Variants in GAS2 observed in about 807,000 individuals in gnomAD.
GAS2 encodes growth arrest specific 2.
A neutral mutation model predicts 37.5 loss-of-function variants in GAS2; 20 were observed. That is an observed-to-expected ratio of 0.53 (90% CI 0.37 to 0.77). GAS2 has a LOEUF of 0.77. Ranked by LOEUF, GAS2 falls within the 30% of genes least tolerant of loss-of-function variation. The pLI is 0.00. For synonymous variants in GAS2, 144 were observed against 132.2 expected (o/e 1.09, Z -0.61); for missense variants, 336 against 373.4 (o/e 0.90, Z 0.82).
chr11:22,659,068 T>G (rs911221175), intron 1 of GAS2, among the ~76,000 whole-genome samples: 2 of 152,212 alleles, frequency 1.3e-5, no homozygotes, highest in Non-Finnish European at 2.9e-5. Context: ...GGAGTAGATG[T>G]GTGAACTTAG....
intron 7 of GAS2, among the ~76,000 whole-genome samples, chr11:22,811,330 A>G (rs918983051): frequency 1.3e-5 from 2 of 152,164 alleles, no homozygotes; most frequent in South Asian, 2.1e-4. Flanking sequence ...TGCACTTTCA[A>G]TGTTATTTTG....
intron 3 of GAS2, among the ~76,000 whole-genome samples, chr11:22,702,823 C>G (rs1156897726): frequency 1.3e-5 from 2 of 152,018 alleles, no homozygotes; most frequent in Non-Finnish European, 2.9e-5. Context: ...TATTTCAGAG[C>G]AAGGAGAAGA....
chr11:22,692,259 C>G (rs1405675473), intron 3 of GAS2, among the ~76,000 whole-genome samples: 1 of 152,002 alleles, frequency 6.6e-6, no homozygotes, highest in Non-Finnish European at 1.5e-5. Context: ...CTAATTGAGC[C>G]CATCCCATAC....
chr11:22,752,376 G>A (rs947565259), intron 6 of GAS2, among the ~76,000 whole-genome samples: 1 of 151,810 alleles, frequency 6.6e-6, no homozygotes, highest in Non-Finnish European at 1.5e-5. Context: ...TTTATTTCAG[G>A]AACAGTGGAG....
At chr11:22,702,590 C>T (rs1456696255) in intron 3 of GAS2, 2 of 152,188 alleles carry the variant, frequency 1.3e-5, no homozygotes, top group East Asian at 3.9e-4. Context: ...TTAGAATTCC[C>T]CTTAAATTAT....
intron 7 of GAS2, among the ~76,000 whole-genome samples, chr11:22,789,760 C>T (rs1205479810): frequency 6.6e-6 from 1 of 151,652 alleles, no homozygotes. Context: ...CCACCGCGCC[C>T]GGCCATGATA....
Position 22,653,143 on chromosome 11 carries a change from C to G in GAS2, c.-20-21707C>G, listed in dbSNP as rs957050766. On this transcript the variant is annotated intron_variant, in intron 1 of 5. Transcript: ENST00000528582. ...TCCCTCCTTTCTTGCCTCGTCTCCT[C>G]TCCTCTCCTCCTGCTTTTTCTTCCC... Among the ~76,000 whole-genome samples the G allele has an allele frequency of 2.0e-5, 3 of 151,138 alleles. No homozygotes were observed. The East Asian group carries it at 5.8e-4, about 29-fold the overall frequency.
At chr11:22,739,996 G>C (rs1050234677) in intron 5 of GAS2, among the ~76,000 whole-genome samples, 31 of 151,916 alleles carry the variant, frequency 2.0e-4, no homozygotes, top group Non-Finnish European at 4.3e-4. Flanking sequence ...AATGAGCACG[G>C]TGATTAGGGA....
chr11:22,797,159 A>G lies in GAS2; in HGVS notation c.724-14639A>G, dbSNP rs557652702. 7.2e-5 allele frequency among the ~76,000 whole-genome samples: 11 copies of G among 152,194 alleles called. No individual in the cohort carries two copies. In the South Asian group the frequency reaches 1.4e-3, roughly 20 times the overall value. ...GCTGGGAAAATGGAGCCCTTACATA[A>G]CAACGAGATGAGGACTGACCGGCAG... is the stretch of plus-strand genomic sequence containing the variant. On this transcript the variant is annotated intron_variant, in intron 7 of 7. Coordinates refer to ENST00000454584, the MANE Select transcript of GAS2 (RefSeq NM_001143830.3).
intron 1 of GAS2, among the ~76,000 whole-genome samples, chr11:22,660,057 C>T (rs1361425674): frequency 1.3e-5 from 2 of 152,178 alleles, no homozygotes; most frequent in Admixed American, 6.5e-5. Context: ...GAGTTTAAAT[C>T]TTACCTATGC....
At chr11:22,751,315 G>A (rs1853715123) in intron 6 of GAS2, among the ~76,000 whole-genome samples, 1 of 151,790 alleles carries the variant, frequency 6.6e-6, no homozygotes, top group Non-Finnish European at 1.5e-5. Flanking sequence ...TTCAGGTTGC[G>A]CTACCCCCTA....
intron 4 of GAS2, chr11:22,731,396 G>C: frequency 6.8e-6 from 3 of 442,312 alleles, no homozygotes; most frequent in Non-Finnish European, 1.4e-5. Context: ...ACAAGAAAAG[G>C]GTTTGCTATC....
intron 7 of GAS2, among the ~76,000 whole-genome samples, chr11:22,800,566 C>G (rs756190848): frequency 1.3e-5 from 2 of 152,000 alleles, no homozygotes; most frequent in African/African-American, 2.4e-5. Flanking sequence ...CGTTCATGTC[C>G]TCAAGGTCTA....
intron 4 of GAS2, among the ~76,000 whole-genome samples, chr11:22,736,945 C>A (rs4922624): frequency 0.18 from 26,986 of 151,904 alleles, 2,577 homozygotes; most frequent in East Asian, 0.37. Flanking sequence ...TTGACAAAAG[C>A]AAGTATGATT....
intron 2 of GAS2, among the ~76,000 whole-genome samples, chr11:22,676,139 C>T (rs916554171): frequency 1.3e-5 from 2 of 152,124 alleles, no homozygotes; most frequent in African/African-American, 4.8e-5. Flanking sequence ...TTGTACCCTT[C>T]ACCAACAGAT....
chr11:22,788,368 C>T (rs530750645), intron 7 of GAS2, among the ~76,000 whole-genome samples: 1 of 152,080 alleles, frequency 6.6e-6, no homozygotes, highest in Non-Finnish European at 1.5e-5. Context: ...AACTCAGGCT[C>T]TTGATATTTT....
chr11:22,677,927 G>A (rs537378423), intron 2 of GAS2, among the ~76,000 whole-genome samples: 6 of 152,222 alleles, frequency 3.9e-5, no homozygotes, highest in African/African-American at 1.2e-4. Context: ...AGTTGAGACA[G>A]ACATTAATAT....
Position 22,731,325 on chromosome 11 carries a change from T to G in GAS2, c.409+4892T>G. ...TCAATATCATTATGTTATTGGATAA[T>G]TATAGGATTTGGAGGCCAGTGACTA... On this transcript the variant is annotated intron_variant, in intron 4 of 7. Transcript: ENST00000454584. 8.9e-6 allele frequency: 4 copies of G among 447,254 alleles called. No homozygotes were observed. In the Middle Eastern group the frequency reaches 9.9e-4, roughly 110 times the overall value. The allele number at this position is 447,254 out of a possible 1,614,324, so 27.7% of individuals were successfully genotyped here.
chr11:22,669,117 A>G (rs1277508648), intron 1 of GAS2, among the ~76,000 whole-genome samples: 1 of 152,230 alleles, frequency 6.6e-6, no homozygotes, highest in Admixed American at 6.5e-5. Context: ...TTTCCACAGA[A>G]TGTAGAACCC....
Sources: allele counts gnomAD v4.1 joint callset (sites outside exome capture counted in the v4.1 genomes callset), GRCh38; gene constraint gnomAD v4.1.1; transcripts MANE v1.5; gene names NCBI Gene and HGNC (gene_info 2026-07-23, HGNC 2026-07-21).